The following MAML3 variants were observed in gnomAD, a reference collection of about 807,000 sequenced individuals.
MAML3 encodes mastermind-like protein 3.
In MAML3, 27 loss-of-function variants were observed where a neutral mutation model predicts 101.9. The ratio of observed to expected loss-of-function variants is 0.27; its 90% CI spans 0.20 to 0.37. MAML3 has a LOEUF of 0.37. MAML3 is among the 10% of genes least tolerant of loss of function. The pLI is 1.00. For missense variants in MAML3, 1,316 were observed against 1,444.9 expected, an observed-to-expected ratio of 0.91 and a Z score of 1.45; for synonymous variants, 501 against 555.9, an observed-to-expected ratio of 0.90 and a Z score of 1.39.
intron 1 of MAML3, among the ~76,000 whole-genome samples, chr4:139,905,846 C>T (rs899704270): frequency 1.6e-4 from 25 of 152,090 alleles, no homozygotes; most frequent in African/African-American, 5.3e-4. Flanking sequence ...TACCCTAATG[C>T]CCTCATTTTA....
chr4:139,820,634 C>T (rs187104858), intron 2 of MAML3, among the ~76,000 whole-genome samples: 15 of 152,216 alleles, frequency 9.9e-5, no homozygotes, highest in Admixed American at 2.6e-4. Context: ...ATATTGGGAT[C>T]GTATGTAGTT....
intron 2 of MAML3, among the ~76,000 whole-genome samples, chr4:139,823,454 G>A (rs905750700): frequency 3.3e-5 from 5 of 152,178 alleles, no homozygotes; most frequent in Non-Finnish European, 7.3e-5. Flanking sequence ...GCCATGAACT[G>A]TGACTGCTGC....
chr4:139,874,905 G>A (rs1027926918), intron 2 of MAML3, among the ~76,000 whole-genome samples: 5 of 149,654 alleles, frequency 3.3e-5, no homozygotes, highest in Non-Finnish European at 5.9e-5. Context: ...CTGGGTTCAC[G>A]CCATTCTCCT....
intron 1 of MAML3, among the ~76,000 whole-genome samples, chr4:139,897,744 G>A (rs1004660630): frequency 6.6e-6 from 1 of 152,096 alleles, no homozygotes; most frequent in African/African-American, 2.4e-5. Context: ...TTCACTTTAA[G>A]CTTTTCTAAA....
At position 139,716,794 on chromosome 4, in the gene MAML3, A is replaced by AAAG. The variant is rs1446780221; in HGVS notation, c.*2526_*2528dup. On this transcript the variant is annotated 3_prime_UTR_variant, in exon 5 of 5. Coordinates refer to ENST00000509479, the MANE Select transcript of MAML3 (RefSeq NM_018717.5). Reference sequence around the variant, plus strand: ...TTTATTTTTGTTTTTGTTTTCTTTAAAAGTGGTATGTCAACATCACTTCAT... The same window carrying AAAG: ...TTTATTTTTGTTTTTGTTTTCTTTAAAAGAAGTGGTATGTCAACATCACTTCAT... The AAAG allele has an allele frequency of 6.6e-6, 1 of 152,540 alleles. No individual in the cohort carries two copies. The highest frequency in any genetic ancestry group is 2.4e-5 in the African/African-American group (1 of 41,464). 9.4% of individuals were successfully genotyped at this position (152,540 alleles called of 1,614,324 possible).
chr4:139,776,865 A>T (rs1474661840), intron 2 of MAML3, among the ~76,000 whole-genome samples: 2 of 152,214 alleles, frequency 1.3e-5, no homozygotes, highest in African/African-American at 4.8e-5. Context: ...CTTTGGCTCC[A>T]GCATCTACAA....
At chr4:139,734,240 GATT>G (rs1728838590) in intron 2 of MAML3, among the ~76,000 whole-genome samples, 1 of 152,190 alleles carries the variant, frequency 6.6e-6, no homozygotes, top group South Asian at 2.1e-4. Context: ...CAAATTTCAG[GATT>G]TCAAGCCACT....
chr4:140,146,212 T>A (rs1478937361), intron 1 of MAML3, among the ~76,000 whole-genome samples: 1 of 152,132 alleles, frequency 6.6e-6, no homozygotes, highest in Admixed American at 6.6e-5. Context: ...CCAAGAATAG[T>A]ATACACAGCT....
chr4:139,981,413 C>G (rs1734440639), intron 1 of MAML3, among the ~76,000 whole-genome samples: 1 of 152,144 alleles, frequency 6.6e-6, no homozygotes, highest in African/African-American at 2.4e-5. Context: ...GGGTTGGGAA[C>G]AGTTCAGCCC....
At chr4:140,133,347 T>C (rs896475910) in intron 1 of MAML3, among the ~76,000 whole-genome samples, 3 of 152,180 alleles carry the variant, frequency 2.0e-5, no homozygotes, top group African/African-American at 4.8e-5. Context: ...AGCTATCTGA[T>C]TGGCTTAATG....
At chr4:140,002,818 T>C (rs1025789966) in intron 1 of MAML3, among the ~76,000 whole-genome samples, 1 of 152,222 alleles carries the variant, frequency 6.6e-6, no homozygotes, top group Admixed American at 6.5e-5. Flanking sequence ...GAAAGGAAAC[T>C]TGTGCATATT....
intron 2 of MAML3, among the ~76,000 whole-genome samples, chr4:139,874,411 C>G (rs1215060128): frequency 6.6e-6 from 1 of 151,938 alleles, no homozygotes; most frequent in African/African-American, 2.4e-5. Context: ...AAAAAAATCA[C>G]CAGTGAAACT....
Position 140,152,950 on chromosome 4 carries a change from G to T in MAML3, c.378C>A (p.Gly126=), listed in dbSNP as rs746169604. The T allele has an allele frequency of 4.0e-5, 65 of 1,612,214 alleles. No individual in the cohort carries two copies. The highest frequency in any genetic ancestry group is 5.2e-5 in the Non-Finnish European group (61 of 1,179,428). Reference sequence around the variant, plus strand: ...GGTGCTGCTGTTTGCCGGTGCCGGCGCCCGATTTCTTGGCCCTCTGCTCCA... The same window carrying T: ...GGTGCTGCTGTTTGCCGGTGCCGGCTCCCGATTTCTTGGCCCTCTGCTCCA... ...RTLEQRAKKS[G]AGTGKQQHPS... is the part of the protein sequence containing the mutation. Residue 126 remains glycine (G), a synonymous_variant, in exon 1 of 5, where the codon GGC becomes GGA. Transcript: ENST00000509479.
chr4:140,007,738 A>T (rs554815046), intron 1 of MAML3, among the ~76,000 whole-genome samples: 24 of 152,262 alleles, frequency 1.6e-4, no homozygotes, highest in African/African-American at 5.1e-4. Flanking sequence ...AGGGAAAGCG[A>T]CCAGCCTTAC....
chr4:139,896,057 A>G (rs1225120853), intron 1 of MAML3, among the ~76,000 whole-genome samples: 3 of 152,204 alleles, frequency 2.0e-5, no homozygotes, highest in African/African-American at 7.2e-5. Context: ...CTGCCTCATC[A>G]TCCTTTGCTA....
At chr4:139,896,799 T>G (rs1732624277) in intron 1 of MAML3, among the ~76,000 whole-genome samples, 1 of 152,194 alleles carries the variant, frequency 6.6e-6, no homozygotes, top group Non-Finnish European at 1.5e-5. Context: ...CAGAATCATA[T>G]TTTATCCTCA....
chr4:140,074,257 G>T (rs1470176747), intron 1 of MAML3, among the ~76,000 whole-genome samples: 1 of 150,264 alleles, frequency 6.7e-6, no homozygotes, highest in Non-Finnish European at 1.5e-5. Flanking sequence ...AAGAAAGAAA[G>T]AAAGAGGACA....
intron 1 of MAML3, among the ~76,000 whole-genome samples, chr4:139,975,053 G>C (rs1734303054): frequency 6.6e-6 from 1 of 152,068 alleles, no homozygotes; most frequent in Non-Finnish European, 1.5e-5. Context: ...TTGGTGACAT[G>C]ATCCTATTAA....
intron 1 of MAML3, among the ~76,000 whole-genome samples, chr4:139,947,274 T>C (rs1733748319): frequency 6.6e-6 from 1 of 152,236 alleles, no homozygotes. Context: ...GCATTTTCCT[T>C]CTTGCTCTTA....
Sources: gnomAD v4.1 joint callset for allele counts (sites outside exome capture counted in the v4.1 genomes callset) on GRCh38, gnomAD v4.1.1 for gene constraint, MANE v1.5 for transcripts, NCBI Gene and HGNC (gene_info 2026-07-23, HGNC 2026-07-21) for gene names.